SMARCA2: variants seen among roughly 807,000 people sequenced by gnomAD.
SMARCA2 encodes the protein SWI/SNF-related matrix-associated actin-dependent regulator of chromatin subfamily A member 2.
SMARCA2 carries 61 observed loss-of-function variants against 199.8 expected under a neutral mutation model. That is an observed-to-expected ratio of 0.31 (90% CI 0.25 to 0.38). The LOEUF (loss-of-function observed/expected upper bound fraction) is 0.38, where lower values mean the gene tolerates loss of function less well. Among genes scored for constraint, SMARCA2 ranks in the 10% least tolerant of loss-of-function variants. The pLI, the probability that SMARCA2 is intolerant of heterozygous loss-of-function variation, is 1.00. For missense variants in SMARCA2, 1,344 were observed against 2,012.2 expected, an observed-to-expected ratio of 0.67 and a Z score of 6.35; for synonymous variants, 935 against 732.0, an observed-to-expected ratio of 1.28 and a Z score of -4.48.
intron 13 of SMARCA2, among the ~76,000 whole-genome samples, chr9:2,076,629 C>T (rs900386527): frequency 3.3e-5 from 5 of 151,988 alleles, no homozygotes; most frequent in African/African-American, 4.8e-5. Flanking sequence ...TCACACCTGT[C>T]GTCTGCACCT....
At position 2,023,524 on chromosome 9, in the gene SMARCA2, T is replaced by C. The variant is rs138172596; in HGVS notation, c.-36-5463T>C. Reference sequence around the variant, plus strand: ...TCTAGGGTCTTGATGGAGCAACTTATAAGGTTAACTTTAGAACCCGGTGTG... The same window carrying C: ...TCTAGGGTCTTGATGGAGCAACTTACAAGGTTAACTTTAGAACCCGGTGTG... On this transcript the variant is annotated intron_variant, in intron 1 of 33. Coordinates refer to ENST00000349721, the MANE Select transcript of SMARCA2 (RefSeq NM_003070.5). 5.4e-3 allele frequency among the ~76,000 whole-genome samples: 818 copies of C among 152,332 alleles called. 3 individuals carry two copies. Among genetic ancestry groups the C allele is most frequent in the African/African-American group, 0.018 (764 of 41,572 alleles).
intron 29 of SMARCA2, among the ~76,000 whole-genome samples, chr9:2,173,315 G>C (rs1826358237): frequency 6.6e-6 from 1 of 152,160 alleles, no homozygotes; most frequent in South Asian, 2.1e-4. Context: ...AGTATTGACT[G>C]CTCTTTCAGG....
At chr9:2,088,190 G>A (rs1586692081) in intron 18 of SMARCA2, among the ~76,000 whole-genome samples, 2 of 152,198 alleles carry the variant, frequency 1.3e-5, no homozygotes, top group Admixed American at 1.3e-4. Flanking sequence ...TCTTCAGTCT[G>A]TCTTCATTGA....
At chr9:2,185,327 TCCTCCAGTTACAGG>T (rs1827361644) in intron 31 of SMARCA2, among the ~76,000 whole-genome samples, 1 of 152,228 alleles carries the variant, frequency 6.6e-6, no homozygotes, top group African/African-American at 2.4e-5. Flanking sequence ...AGCGTAACAA[TCCTCCAGTTACAGG>T]ATTTCCTTCC....
At position 2,161,481 on chromosome 9, in the gene SMARCA2, G is replaced by A. The variant is rs1370149897; in HGVS notation, c.3982-205G>A. On this transcript the variant is annotated intron_variant, in intron 27 of 33. Coordinates refer to ENST00000349721, the MANE Select transcript of SMARCA2 (RefSeq NM_003070.5). The surrounding 1 kb of genome is among the most constrained non-coding windows in gnomAD (Gnocchi z 4.7). ...TTCAGTGTGTTTTGCTCATGAAACAGACTTGAGTTAAAGATGCATTTATCC... is the reference window on the plus strand; with the variant it reads ...TTCAGTGTGTTTTGCTCATGAAACAAACTTGAGTTAAAGATGCATTTATCC... 6.6e-6 allele frequency among the ~76,000 whole-genome samples: 1 copy of A among 152,166 alleles called. No individual in the cohort carries two copies. Among genetic ancestry groups the A allele is most frequent in the Non-Finnish European group, 1.5e-5 (1 of 68,026 alleles).
chr9:2,136,862 CAT>C (rs1824218519), intron 27 of SMARCA2, among the ~76,000 whole-genome samples: 1 of 152,144 alleles, frequency 6.6e-6, no homozygotes, highest in African/African-American at 2.4e-5. Context: ...TTAAACAACA[CAT>C]ATTTTACTTA....
chr9:2,119,429 G>A lies in SMARCA2; in HGVS notation c.3685-29G>A, dbSNP rs781580120. The stretch of plus-strand genomic sequence containing the variant: ...TTGTACCTTGCCCCAGCTGTCCACT[G>A]GTTAAAATCACTCTGTTTTTAACCC... On this transcript the variant is annotated intron_variant, in intron 25 of 33. Transcript: ENST00000349721. This position sits in a 1 kb window ranked among gnomAD's most constrained non-coding sequence, Gnocchi z 4.6. The A allele has an allele frequency of 6.5e-7, 1 of 1,533,124 alleles. No homozygotes were observed. The highest frequency in any genetic ancestry group is 2.2e-5 in the East Asian group (1 of 44,472). 95.0% of individuals were successfully genotyped at this position (1,533,124 alleles called of 1,614,324 possible).
chr9:2,136,514 A>G (rs1824204675), intron 27 of SMARCA2, among the ~76,000 whole-genome samples: 1 of 152,082 alleles, frequency 6.6e-6, no homozygotes, highest in Non-Finnish European at 1.5e-5. Flanking sequence ...TCTTACATAA[A>G]TGTACTGTGA....
chr9:2,052,063 C>A (rs1283953027), intron 5 of SMARCA2, among the ~76,000 whole-genome samples: 1 of 152,222 alleles, frequency 6.6e-6, no homozygotes, highest in Non-Finnish European at 1.5e-5. Flanking sequence ...AGAATTTGAA[C>A]AATTTTGCCA....
At chr9:2,051,351 G>T (rs1381598250) in intron 5 of SMARCA2, among the ~76,000 whole-genome samples, 1 of 152,046 alleles carries the variant, frequency 6.6e-6, no homozygotes, top group Non-Finnish European at 1.5e-5. Flanking sequence ...AAATAACTGG[G>T]CTCCTTGGAG....
intron 29 of SMARCA2, among the ~76,000 whole-genome samples, chr9:2,178,349 G>A (rs975655573): frequency 6.6e-6 from 1 of 152,092 alleles, no homozygotes; most frequent in African/African-American, 2.4e-5. Flanking sequence ...AAATCCATCC[G>A]ATGTCACAGG....
intron 2 of SMARCA2, 108 bp downstream of exon 2, chr9:2,029,355 G>A (rs1353710693): frequency 1.4e-6 from 2 of 1,449,732 alleles, no homozygotes; most frequent in African/African-American, 2.9e-5. Context: ...AATCATGCAA[G>A]ATCTTTGTCT....
intron 27 of SMARCA2, among the ~76,000 whole-genome samples, chr9:2,154,866 C>G (rs1284966704): frequency 6.6e-6 from 1 of 152,168 alleles, no homozygotes; most frequent in Non-Finnish European, 1.5e-5. Flanking sequence ...AGAAGTGGCC[C>G]AGGCCCTTCT....
At chr9:2,127,960 T>G (rs1307725680) in intron 27 of SMARCA2, among the ~76,000 whole-genome samples, 1 of 128,960 alleles carries the variant, frequency 7.8e-6, no homozygotes, top group Non-Finnish European at 1.5e-5. Flanking sequence ...TCAAACACAG[T>G]TCAGTTTTTT....
chr9:2,070,420 G>A lies in SMARCA2; in HGVS notation c.1695G>A (p.Lys565=). The change falls in exon 10 of 34, where the codon AAG becomes AAA. Residue 565 remains lysine (K), a splice_region_variant and synonymous_variant. Coordinates refer to ENST00000349721, the MANE Select transcript of SMARCA2 (RefSeq NM_003070.5). ...EKKKRRRRKK[K]AEENAEGGES... is the part of the protein sequence containing the mutation. Reference sequence around the variant, plus strand: ...CATTCGACATTGTTGTTTTGCAGAAGGCTGAGGAGAATGCAGAGGGTGGGG... The same window carrying A: ...CATTCGACATTGTTGTTTTGCAGAAAGCTGAGGAGAATGCAGAGGGTGGGG... 1.9e-6 allele frequency: 3 copies of A among 1,613,886 alleles called. No homozygotes were observed. The highest frequency in any genetic ancestry group is 2.5e-6 in the Non-Finnish European group (3 of 1,179,818).
chr9:2,132,510 C>T (rs1824007992), intron 27 of SMARCA2, among the ~76,000 whole-genome samples: 1 of 152,166 alleles, frequency 6.6e-6, no homozygotes, highest in Non-Finnish European at 1.5e-5. Flanking sequence ...TAATATTTGG[C>T]TGCATTTGTT....
At position 2,154,452 on chromosome 9, in the gene SMARCA2, G is replaced by T. The variant is rs547697664; in HGVS notation, c.3982-7234G>T. Among the ~76,000 whole-genome samples, 10 of 152,192 alleles carry T rather than the reference G, an allele frequency of 6.6e-5. No individual in the cohort carries two copies. In the East Asian group the frequency reaches 1.7e-3, roughly 26 times the overall value. On this transcript the variant is annotated intron_variant, in intron 27 of 33. Transcript: ENST00000349721. ...ACGTGTTTTCCTCTCTCATGATTGG[G>T]CTGTTAATGGACATTCTTTGCATTG...
chr9:2,103,185 G>A (rs746931306), intron 22 of SMARCA2, among the ~76,000 whole-genome samples: 17 of 152,202 alleles, frequency 1.1e-4, no homozygotes, highest in Middle Eastern at 3.4e-3. Context: ...AACTTTTTCT[G>A]TAAAGATCCA....
At position 2,058,362 on chromosome 9, in the gene SMARCA2, C is replaced by A. The variant is rs577005527; in HGVS notation, c.1419C>A (p.Ile473=). The change falls in exon 8 of 34, where the codon ATC becomes ATA. Residue 473 remains isoleucine, a synonymous_variant. Transcript: ENST00000349721. ...KEYHRSVAGK[I]QKLSKAVATW... ...ATCATCGGTCTGTGGCCGGAAAGAT[C>A]CAGAAGCTCTCCAAAGCAGTGGCAA... 5.0e-6 allele frequency: 8 copies of A among 1,613,974 alleles called. No individual in the cohort carries two copies. The highest frequency in any genetic ancestry group is 1.7e-5 in the Admixed American group (1 of 60,002).
Sources: allele counts gnomAD v4.1 joint callset (sites outside exome capture counted in the v4.1 genomes callset), GRCh38; gene constraint gnomAD v4.1.1; non-coding constraint Gnocchi (gnomAD v3.1); transcripts MANE v1.5; gene names NCBI Gene and HGNC (gene_info 2026-07-23, HGNC 2026-07-21).